The following L3MBTL4 variants were observed in gnomAD, a reference collection of about 807,000 sequenced individuals.
L3MBTL4 encodes L3MBTL histone methyl-lysine binding protein 4.
Under a neutral mutation model 84.5 loss-of-function variants are expected in L3MBTL4, and 70 were observed. That is an observed-to-expected ratio of 0.83 (90% CI 0.68 to 1.01). The LOEUF (loss-of-function observed/expected upper bound fraction) is 1.01, where lower values mean the gene tolerates loss of function less well. Ranked by LOEUF, L3MBTL4 falls within the 50% of genes least tolerant of loss-of-function variation. The pLI, the probability that L3MBTL4 is intolerant of heterozygous loss-of-function variation, is 0.00. For missense variants in L3MBTL4, 715 were observed against 754.8 expected (o/e 0.95, Z 0.62); for synonymous variants, 274 against 259.8 (o/e 1.05, Z -0.52).
intron 16 of L3MBTL4, among the ~76,000 whole-genome samples, chr18:6,050,433 A>G (rs888884144): frequency 1.3e-5 from 2 of 152,212 alleles, no homozygotes; most frequent in Non-Finnish European, 1.5e-5. Context: ...AGACTTTATA[A>G]TGATAAAAAT....
intron 13 of L3MBTL4, among the ~76,000 whole-genome samples, chr18:6,151,430 T>C (rs2144835858): frequency 6.6e-6 from 1 of 152,338 alleles, no homozygotes; most frequent in Non-Finnish European, 1.5e-5. Flanking sequence ...TTCACTCTTG[T>C]TGCCCAGGCT....
chr18:6,262,147 C>T (rs775347859), intron 5 of L3MBTL4, among the ~76,000 whole-genome samples: 23 of 152,154 alleles, frequency 1.5e-4, no homozygotes, highest in Non-Finnish European at 2.6e-4. Context: ...TGTCACAGTG[C>T]CTGATAGTTC....
intron 14 of L3MBTL4, among the ~76,000 whole-genome samples, chr18:6,131,538 G>A (rs2059876374): frequency 6.8e-6 from 1 of 146,352 alleles, no homozygotes; most frequent in South Asian, 2.2e-4. Context: ...TTTTATTTTG[G>A]AATACACAAG....
At chr18:6,343,857 AAT>A (rs888011478) in intron 1 of L3MBTL4, among the ~76,000 whole-genome samples, 2 of 152,064 alleles carry the variant, frequency 1.3e-5, no homozygotes, top group African/African-American at 4.8e-5. Context: ...GAGACAAACA[AAT>A]ATGGAAACAT....
intron 16 of L3MBTL4, among the ~76,000 whole-genome samples, chr18:5,994,680 C>T (rs190337703): frequency 9.9e-5 from 15 of 152,106 alleles, no homozygotes; most frequent in African/African-American, 2.9e-4. Context: ...CTGCCTCCAG[C>T]GACAGAGAGT....
chr18:6,156,627 C>A (rs77782574), intron 13 of L3MBTL4, among the ~76,000 whole-genome samples: 2 of 152,296 alleles, frequency 1.3e-5, no homozygotes, highest in East Asian at 3.9e-4. Flanking sequence ...CTCTACTCAA[C>A]GTCCATATGC....
In L3MBTL4 at chr18:5,960,958, C is replaced by G. The variant is rs549499796; in HGVS notation, c.1615-802G>C. 1.4e-3 allele frequency among the ~76,000 whole-genome samples: 207 copies of G among 152,286 alleles called. 7 individuals carry two copies. In the South Asian group the frequency reaches 0.042, roughly 31 times the overall value. ...GAACAAACCTGATAAAGGGTAGACT[C>G]CCAACAGCAGAAATGACAACTGAGT... On this transcript the variant is annotated intron_variant, in intron 17 of 18. Coordinates refer to ENST00000317931, the MANE Select transcript of L3MBTL4 (RefSeq NM_001330559.2).
intron 16 of L3MBTL4, among the ~76,000 whole-genome samples, chr18:5,979,361 G>A (rs995765077): frequency 6.6e-5 from 10 of 152,168 alleles, no homozygotes; most frequent in South Asian, 2.1e-4. Flanking sequence ...GCACAGCACC[G>A]TGCCTGTCAT....
chr18:6,217,631 G>A (rs2145847560), intron 10 of L3MBTL4, among the ~76,000 whole-genome samples: 1 of 152,194 alleles, frequency 6.6e-6, no homozygotes, highest in South Asian at 2.1e-4. Flanking sequence ...CATTTATGTT[G>A]GAATGCATCC....
At chr18:6,282,114 C>G (rs955039304) in intron 4 of L3MBTL4, among the ~76,000 whole-genome samples, 3 of 152,178 alleles carry the variant, frequency 2.0e-5, no homozygotes, top group African/African-American at 7.2e-5. Context: ...TCTAAACCAA[C>G]TTTCAGCCTC....
intron 16 of L3MBTL4, among the ~76,000 whole-genome samples, chr18:5,999,822 G>T (rs73938708): frequency 6.6e-6 from 1 of 152,326 alleles, no homozygotes; most frequent in African/African-American, 2.4e-5. Flanking sequence ...CACATTCCTT[G>T]CTTGTACAAA....
At chr18:6,371,007 G>T (rs2054138689) in intron 1 of L3MBTL4, among the ~76,000 whole-genome samples, 1 of 152,098 alleles carries the variant, frequency 6.6e-6, no homozygotes, top group Non-Finnish European at 1.5e-5. Context: ...GGAGGGTTCT[G>T]TCCAGTTGAT....
chr18:6,304,802 C>A (rs1202833617), intron 3 of L3MBTL4, among the ~76,000 whole-genome samples: 1 of 152,180 alleles, frequency 6.6e-6, no homozygotes, highest in East Asian at 1.9e-4. Context: ...CCTTCTACTG[C>A]AAAACCTAAA....
At chr18:6,311,811 G>A (rs1392085716) in intron 2 of L3MBTL4, among the ~76,000 whole-genome samples, 155 bp from the exon 3 acceptor site, 1 of 152,172 alleles carries the variant, frequency 6.6e-6, no homozygotes. Flanking sequence ...TGGTTTTATA[G>A]TACTTAATAT....
chr18:6,020,108 T>C (rs1311686835), intron 16 of L3MBTL4, among the ~76,000 whole-genome samples: 1 of 152,072 alleles, frequency 6.6e-6, no homozygotes, highest in Non-Finnish European at 1.5e-5. Context: ...ATAATTAAAA[T>C]AGAGTATAAT....
At chr18:6,236,142 G>A (rs2047207221) in intron 10 of L3MBTL4, among the ~76,000 whole-genome samples, 1 of 152,116 alleles carries the variant, frequency 6.6e-6, no homozygotes, top group Admixed American at 6.5e-5. Context: ...AAAAACAATT[G>A]TGAAAAAGAA....
chr18:6,072,413 A>G lies in L3MBTL4; in HGVS notation c.1444+8468T>C, dbSNP rs76480677. On this transcript the variant is annotated intron_variant, in intron 16 of 18. Transcript: ENST00000317931. ...ATCAGTATATTTCTTCATACCACAT[A>G]TAAAAGAAAAACAATGTAAATGAGA... 2.0e-4 allele frequency among the ~76,000 whole-genome samples: 30 copies of G among 152,304 alleles called. 1 individual carries two copies. The East Asian group carries it at 5.8e-3, about 29-fold the overall frequency.
chr18:6,136,383 G>A (rs1232873134), intron 14 of L3MBTL4, among the ~76,000 whole-genome samples: 2 of 152,082 alleles, frequency 1.3e-5, no homozygotes, highest in African/African-American at 2.4e-5. Flanking sequence ...AGAACTAAAC[G>A]AAAAGAAAAC....
Position 5,956,326 on chromosome 18 carries a change from ATCT to A in L3MBTL4, c.1736_1738del (p.Lys579del). The A allele has an allele frequency of 6.2e-7, 1 of 1,614,152 alleles. No homozygotes were observed. Among genetic ancestry groups the A allele is most frequent in the African/African-American group, 1.3e-5 (1 of 75,026 alleles). On this transcript the variant is annotated inframe_deletion, in exon 19 of 19. Coordinates refer to ENST00000317931, the MANE Select transcript of L3MBTL4 (RefSeq NM_001330559.2). Reference sequence around the variant, plus strand: ...AATCTTCAGTGCTGGGCCCAGTTTGATCTTCATCACTTTGACAATGTCCGTCTG... The same window carrying A: ...AATCTTCAGTGCTGGGCCCAGTTTGATCATCACTTTGACAATGTCCGTCTG...
Sources: allele counts gnomAD v4.1 joint callset (sites outside exome capture counted in the v4.1 genomes callset), GRCh38; gene constraint gnomAD v4.1.1; transcripts MANE v1.5; gene names NCBI Gene and HGNC (gene_info 2026-07-23, HGNC 2026-07-21).